Variants in DYM observed in about 807,000 individuals in gnomAD.
DYM encodes the protein dymeclin, also known as dyggve-Melchior-Clausen syndrome protein.
A neutral mutation model predicts 93.1 loss-of-function variants in DYM; 78 were observed. The observed-to-expected ratio is 0.84, with a 90% CI of 0.70 to 1.01. The LOEUF is 1.01. DYM is among the 50% of genes least tolerant of loss of function. The probability of loss-of-function intolerance (pLI) is 0.00; values close to 1 mark genes in which losing one functional copy is unlikely to be tolerated. For synonymous variants in DYM, 321 were observed against 319.7 expected, an observed-to-expected ratio of 1.00 and a Z score of -0.04; for missense variants, 789 against 845.0, an observed-to-expected ratio of 0.93 and a Z score of 0.82.
At chr18:49,454,570 G>A (rs2082808408) in intron 1 of DYM, among the ~76,000 whole-genome samples, 1 of 152,052 alleles carries the variant, frequency 6.6e-6, no homozygotes, top group African/African-American at 2.4e-5. Flanking sequence ...CAATCTGTGA[G>A]CCCTATGTAA....
chr18:49,403,036 C>A (rs2071034288), intron 2 of DYM, among the ~76,000 whole-genome samples: 1 of 152,048 alleles, frequency 6.6e-6, no homozygotes, highest in Non-Finnish European at 1.5e-5. Context: ...GTGGAAAGTG[C>A]CCAGCACACA....
At chr18:49,288,533 C>G (rs954997898) in intron 8 of DYM, among the ~76,000 whole-genome samples, 1 of 152,218 alleles carries the variant, frequency 6.6e-6, no homozygotes, top group African/African-American at 2.4e-5. Flanking sequence ...AATCCCAGCA[C>G]TTTGGGAGGC....
intron 11 of DYM, among the ~76,000 whole-genome samples, chr18:49,270,947 A>T (rs2094681612): frequency 6.6e-6 from 1 of 152,164 alleles, no homozygotes; most frequent in Admixed American, 6.5e-5. Context: ...GACTGGAAGA[A>T]TCAAAAACAA....
chr18:49,372,020 G>A (rs2067088285), intron 5 of DYM, among the ~76,000 whole-genome samples: 2 of 152,184 alleles, frequency 1.3e-5, no homozygotes, highest in Admixed American at 1.3e-4. Flanking sequence ...TGTGGAATAA[G>A]CCAACATACC....
chr18:49,437,266 C>A lies in DYM; in HGVS notation c.-53-6819G>T, dbSNP rs370643539. ...AACATATGTTCAACCCCTTTTTAAA[C>A]AAACCATAGCATATGACATATTCCT... On this transcript the variant is annotated intron_variant, in intron 1 of 17. Coordinates refer to ENST00000675505, the MANE Select transcript of DYM (RefSeq NM_001353214.3). 8.1e-4 allele frequency among the ~76,000 whole-genome samples: 124 copies of A among 152,270 alleles called. 1 individual carries two copies. Among genetic ancestry groups the A allele is most frequent in the East Asian group, 2.5e-3 (13 of 5,188 alleles).
chr18:49,327,161 A>G (rs1268575758), intron 8 of DYM, among the ~76,000 whole-genome samples: 1 of 152,096 alleles, frequency 6.6e-6, no homozygotes, highest in Non-Finnish European at 1.5e-5. Context: ...ATAAAGTTAC[A>G]TATAGTTTTT....
At chr18:49,221,987 A>T (rs578142522) in intron 13 of DYM, among the ~76,000 whole-genome samples, 98 of 11,014 alleles carry the variant, frequency 8.9e-3, no homozygotes, top group Admixed American at 0.02. Context: ...GTTATTTTAT[A>T]AAAAAAAAAG....
At chr18:49,322,369 A>T (rs540114585) in intron 8 of DYM, among the ~76,000 whole-genome samples, 5 of 152,084 alleles carry the variant, frequency 3.3e-5, no homozygotes, top group Admixed American at 6.5e-5. Context: ...ATGACATTAC[A>T]GCTTTGTCTT....
intron 14 of DYM, among the ~76,000 whole-genome samples, chr18:49,183,676 T>C (rs758602388): frequency 4.4e-4 from 67 of 152,260 alleles, no homozygotes; most frequent in Non-Finnish European, 7.1e-4. Flanking sequence ...TAACAGGGTC[T>C]CAAAAAATGT....
intron 8 of DYM, among the ~76,000 whole-genome samples, chr18:49,306,111 C>CA (rs2061259332): frequency 6.6e-6 from 1 of 152,082 alleles, no homozygotes; most frequent in South Asian, 2.1e-4. Flanking sequence ...GGAAATTACC[C>CA]AAAATGCAGA....
At chr18:49,365,713 T>C (rs2066458976) in intron 5 of DYM, among the ~76,000 whole-genome samples, 1 of 152,220 alleles carries the variant, frequency 6.6e-6, no homozygotes, top group Admixed American at 6.5e-5. Flanking sequence ...ATAACATCCC[T>C]GTTCAGCCAA....
chr18:49,391,568 C>G, intron 3 of DYM, 25 bp downstream of exon 3: 4 of 1,611,600 alleles, frequency 2.5e-6, no homozygotes, highest in Non-Finnish European at 3.4e-6. Context: ...GAAAACAACA[C>G]CCCACACACA....
chr18:49,363,486 C>G (rs1376262804), intron 5 of DYM, among the ~76,000 whole-genome samples: 1 of 152,182 alleles, frequency 6.6e-6, no homozygotes, highest in Non-Finnish European at 1.5e-5. Flanking sequence ...ACTTTAGGCT[C>G]CTGTACGCCA....
chr18:49,107,221 G>A (rs1180228872), intron 16 of DYM, among the ~76,000 whole-genome samples: 5 of 152,056 alleles, frequency 3.3e-5, no homozygotes, highest in South Asian at 2.1e-4. Flanking sequence ...TTGTGCATTC[G>A]TCACGTAGTT....
intron 17 of DYM, among the ~76,000 whole-genome samples, chr18:49,087,538 T>C (rs1332227929): frequency 6.6e-6 from 1 of 152,228 alleles, no homozygotes; most frequent in Non-Finnish European, 1.5e-5. Context: ...AAAGTAAATA[T>C]GACATTAAGC....
At chr18:49,242,745 G>T (rs1430212075) in intron 13 of DYM, among the ~76,000 whole-genome samples, 4 of 152,164 alleles carry the variant, frequency 2.6e-5, no homozygotes, top group African/African-American at 9.7e-5. Flanking sequence ...AGTTGCTCAG[G>T]CTGGAGTGCA....
intron 6 of DYM, among the ~76,000 whole-genome samples, chr18:49,340,188 G>A (rs1481303083): frequency 2.6e-5 from 4 of 152,032 alleles, no homozygotes; most frequent in African/African-American, 4.8e-5. Context: ...TCCTGATCTC[G>A]TGATCCGCCC....
intron 8 of DYM, among the ~76,000 whole-genome samples, chr18:49,327,164 T>C (rs966082121): frequency 2.6e-5 from 4 of 152,064 alleles, no homozygotes; most frequent in Admixed American, 6.5e-5. Flanking sequence ...AAGTTACATA[T>C]AGTTTTTTGT....
Position 49,086,786 on chromosome 18 carries a change from G to C in DYM, c.2025+10616C>G, listed in dbSNP as rs560382747. Among the ~76,000 whole-genome samples, 10 of 152,050 alleles carry C rather than the reference G, an allele frequency of 6.6e-5. No homozygotes were observed. In the East Asian group the frequency reaches 1.9e-3, roughly 30 times the overall value. On this transcript the variant is annotated intron_variant, in intron 17 of 17. Coordinates refer to ENST00000675505, the MANE Select transcript of DYM (RefSeq NM_001353214.3). Reference sequence around the variant, plus strand: ...GTGGATCACCTGAGGTCAGGAGTTCGAGATCAGCCTGGCCAACATAGGAAA... The same window carrying C: ...GTGGATCACCTGAGGTCAGGAGTTCCAGATCAGCCTGGCCAACATAGGAAA...
Sources: gnomAD v4.1 joint callset for allele counts (sites outside exome capture counted in the v4.1 genomes callset) on GRCh38, gnomAD v4.1.1 for gene constraint, MANE v1.5 for transcripts, NCBI Gene and HGNC (gene_info 2026-07-23, HGNC 2026-07-21) for gene names.